Variants in SIPA1L1 observed in about 807,000 individuals in gnomAD.
The protein encoded by SIPA1L1 is signal-induced proliferation-associated 1-like protein 1.
A neutral mutation model predicts 162.7 loss-of-function variants in SIPA1L1; 26 were observed. That is an observed-to-expected ratio of 0.16 (90% CI 0.12 to 0.22). SIPA1L1 has a LOEUF of 0.22. Ranked by LOEUF, SIPA1L1 falls within the 10% of genes least tolerant of loss-of-function variation. The probability of loss-of-function intolerance (pLI) is 1.00; values close to 1 mark genes in which losing one functional copy is unlikely to be tolerated. For synonymous variants in SIPA1L1, 829 were observed against 837.4 expected, an observed-to-expected ratio of 0.99 and a Z score of 0.17; for missense variants, 1,874 against 2,241.0, an observed-to-expected ratio of 0.84 and a Z score of 3.31.
chr14:71,665,926 T>A (rs140175976), intron 10 of SIPA1L1, among the ~76,000 whole-genome samples: 38 of 152,264 alleles, frequency 2.5e-4, no homozygotes, highest in Non-Finnish European at 4.1e-4. Context: ...TCAAAATACC[T>A]CACTGTACTA....
chr14:71,696,821 A>C (rs2081664548), intron 13 of SIPA1L1, among the ~76,000 whole-genome samples: 1 of 152,250 alleles, frequency 6.6e-6, no homozygotes, highest in Non-Finnish European at 1.5e-5. Flanking sequence ...ACAGATTGTC[A>C]TGGGATTTGA....
intron 5 of SIPA1L1, among the ~76,000 whole-genome samples, chr14:71,599,482 T>C (rs1383976026): frequency 6.8e-6 from 1 of 147,966 alleles, no homozygotes; most frequent in East Asian, 2.0e-4. Flanking sequence ...TTTTTTTTAA[T>C]CACCAAATAA....
intron 4 of SIPA1L1, among the ~76,000 whole-genome samples, chr14:71,570,860 C>T (rs974363072): frequency 1.3e-5 from 2 of 152,144 alleles, no homozygotes; most frequent in African/African-American, 4.8e-5. Context: ...CATCTCGGCT[C>T]ACTGTAACCT....
chr14:71,494,966 G>A (rs2143016024), intron 2 of SIPA1L1, among the ~76,000 whole-genome samples: 1 of 152,162 alleles, frequency 6.6e-6, no homozygotes, highest in South Asian at 2.1e-4. Flanking sequence ...CTCGGGCTCA[G>A]TTGATCCTCC....
intron 4 of SIPA1L1, among the ~76,000 whole-genome samples, chr14:71,582,293 C>G (rs2034038709): frequency 1.3e-5 from 2 of 152,230 alleles, no homozygotes; most frequent in South Asian, 4.1e-4. Flanking sequence ...CATGATCATA[C>G]AACCAAACAC....
rs148066572 is a variant in SIPA1L1, at chr14:71,363,230, G to A, written c.-465+42049G>A. 2.0e-5 allele frequency among the ~76,000 whole-genome samples: 3 copies of A among 152,284 alleles called. No individual in the cohort carries two copies. In the East Asian group the frequency reaches 5.8e-4, roughly 29 times the overall value. ...TTAAGAATAATTTCTCTACCTCTCT[G>A]TGGCATACCAAAGTACTATAATAGT... is the stretch of plus-strand genomic sequence containing the variant. On this transcript the variant is annotated intron_variant, in intron 2 of 23. Coordinates refer to ENST00000381232, the MANE Select transcript of SIPA1L1 (RefSeq NM_001386936.1).
intron 7 of SIPA1L1, among the ~76,000 whole-genome samples, chr14:71,627,068 A>G (rs2040073620): frequency 7.2e-6 from 1 of 138,804 alleles, no homozygotes; most frequent in Non-Finnish European, 1.5e-5. Flanking sequence ...AAACGAACTA[A>G]TTTTTTTAGC....
At chr14:71,641,071 A>C (rs1768404814) in intron 7 of SIPA1L1, among the ~76,000 whole-genome samples, 1 of 152,214 alleles carries the variant, frequency 6.6e-6, no homozygotes, top group African/African-American at 2.4e-5. Context: ...GAGACAAGAA[A>C]ACATAGAAAA....
At chr14:71,634,657 C>T (rs1596538895) in intron 7 of SIPA1L1, among the ~76,000 whole-genome samples, 2 of 152,196 alleles carry the variant, frequency 1.3e-5, no homozygotes, top group South Asian at 4.1e-4. Flanking sequence ...GCTAAGTTGG[C>T]CGGGCGCGGT....
At chr14:71,412,219 C>T (rs1443877166) in intron 2 of SIPA1L1, among the ~76,000 whole-genome samples, 2 of 152,326 alleles carry the variant, frequency 1.3e-5, no homozygotes, top group African/African-American at 4.8e-5. Flanking sequence ...CATCCTGCAG[C>T]CCACGAGCCA....
rs553085593 is a variant in SIPA1L1 at position 71,591,603 on chromosome 14, T to C, written c.1498+2233T>C. On this transcript the variant is annotated intron_variant, in intron 5 of 23. Coordinates refer to ENST00000381232, the MANE Select transcript of SIPA1L1 (RefSeq NM_001386936.1). ...ATAATTGGAACTAGTGAATTGAAAA[T>C]ATCAACTCAAGCAGGGAATTGTTAA... Among the ~76,000 whole-genome samples, 12 of 152,238 alleles carry C rather than the reference T, an allele frequency of 7.9e-5. No homozygotes were observed. The East Asian group carries it at 2.3e-3, about 29-fold the overall frequency.
chr14:71,475,128 G>A (rs1402142888), intron 2 of SIPA1L1, among the ~76,000 whole-genome samples: 3 of 152,180 alleles, frequency 2.0e-5, no homozygotes. Context: ...TGTGAGCCAA[G>A]GTTTGGTCAT....
chr14:71,704,071 G>A (rs2082278065), intron 15 of SIPA1L1, among the ~76,000 whole-genome samples: 1 of 152,060 alleles, frequency 6.6e-6, no homozygotes, highest in South Asian at 2.1e-4. Context: ...GGTCCAAGTG[G>A]TGGCCTTTCA....
chr14:71,416,655 A>G (rs1018178018), intron 2 of SIPA1L1, among the ~76,000 whole-genome samples: 1 of 151,406 alleles, frequency 6.6e-6, no homozygotes, highest in Non-Finnish European at 1.5e-5. Context: ...CTTCCTTCCT[A>G]AGTGCTATTT....
At chr14:71,424,899 C>CT (rs1334710464) in intron 2 of SIPA1L1, among the ~76,000 whole-genome samples, 1 of 151,794 alleles carries the variant, frequency 6.6e-6, no homozygotes. Context: ...CAGAACTTTT[C>CT]TTTTTTGAGA....
rs577980779 is a variant in SIPA1L1 at position 71,735,359 on chromosome 14, C to T, written c.5091C>T (p.Asp1697=). The T allele has an allele frequency of 6.2e-6, 10 of 1,613,870 alleles. No individual in the cohort carries two copies. The African/African-American group carries it at 6.7e-5, about 11-fold the overall frequency. ...CATCCAACAGTGATCAGCTGGAGGA[C>T]CAGGCTCTGGCCCAGATGAAGCCTT... The part of the protein sequence containing the change: ...SAASNSDQLE[D]QALAQMKPYS... Residue 1697 remains aspartate, a synonymous_variant, in exon 22 of 24, where the codon GAC becomes GAT. Coordinates refer to ENST00000381232, the MANE Select transcript of SIPA1L1 (RefSeq NM_001386936.1).
intron 2 of SIPA1L1, among the ~76,000 whole-genome samples, chr14:71,331,968 G>T (rs920178351): frequency 6.6e-6 from 1 of 152,158 alleles, no homozygotes; most frequent in Non-Finnish European, 1.5e-5. Context: ...AACAAATTTC[G>T]GCTACTTAAG....
At chr14:71,659,234 A>G (rs946453921) in intron 9 of SIPA1L1, among the ~76,000 whole-genome samples, 1 of 152,220 alleles carries the variant, frequency 6.6e-6, no homozygotes, top group East Asian at 1.9e-4. Context: ...TGACCTTCAA[A>G]TGGATATGGA....
At chr14:71,670,316 T>C (rs150513869) in intron 10 of SIPA1L1, among the ~76,000 whole-genome samples, 209 of 152,276 alleles carry the variant, frequency 1.4e-3, no homozygotes, top group Non-Finnish European at 2.5e-3. Context: ...TAGGCCCAAT[T>C]TTAGGAATAT....
Sources: allele counts gnomAD v4.1 joint callset (sites outside exome capture counted in the v4.1 genomes callset), GRCh38; gene constraint gnomAD v4.1.1; transcripts MANE v1.5; gene names NCBI Gene and HGNC (gene_info 2026-07-23, HGNC 2026-07-21).